The following SUPT3H variants were observed in gnomAD, a reference collection of about 807,000 sequenced individuals.
SUPT3H encodes the protein SPT3 homolog, SAGA and STAGA complex component.
A neutral mutation model predicts 44.3 loss-of-function variants in SUPT3H; 44 were observed. That is an observed-to-expected ratio of 0.99 (90% confidence interval 0.78 to 1.28). SUPT3H has a LOEUF of 1.28. Ranked by LOEUF, SUPT3H falls within the 50% of genes most tolerant of loss-of-function variation. SUPT3H has a pLI of 0.00. For synonymous variants in SUPT3H, 124 were observed against 125.6 expected (o/e 0.99, Z 0.09); for missense variants, 380 against 387.1 (o/e 0.98, Z 0.15).
At chr6:44,825,402 T>A (rs1767665732), downstream of SUPT3H, among the ~76,000 whole-genome samples, 1 of 152,220 alleles carries the variant, frequency 6.6e-6, no homozygotes, top group Non-Finnish European at 1.5e-5. Context: ...GCAGCAATTC[T>A]CTTTAATATG....
intron 2 of SUPT3H, among the ~76,000 whole-genome samples, chr6:45,198,722 C>T (rs958302082): frequency 6.3e-5 from 7 of 111,786 alleles, no homozygotes; most frequent in African/African-American, 2.5e-4. Context: ...TTTGACTAAG[C>T]TGCTATATCT....
chr6:45,343,156 C>G (rs535414969), intron 2 of SUPT3H, among the ~76,000 whole-genome samples: 1 of 152,298 alleles, frequency 6.6e-6, no homozygotes, highest in Admixed American at 6.5e-5. Flanking sequence ...AGTCTAAACT[C>G]ATACTCATAG....
intron 2 of SUPT3H, among the ~76,000 whole-genome samples, chr6:45,122,032 TA>T (rs1396984203): frequency 9.1e-6 from 1 of 109,290 alleles, no homozygotes; most frequent in Non-Finnish European, 1.9e-5. Context: ...ATCTTTCATT[TA>T]AAAACAAAAA....
intron 9 of SUPT3H, among the ~76,000 whole-genome samples, chr6:44,941,938 G>A (rs1178278091): frequency 6.6e-6 from 1 of 152,120 alleles, no homozygotes; most frequent in African/African-American, 2.4e-5. Flanking sequence ...AGCCTCTGAA[G>A]TGGAACAATA....
chr6:44,945,331 T>C (rs886076411), intron 9 of SUPT3H, among the ~76,000 whole-genome samples: 1 of 152,090 alleles, frequency 6.6e-6, no homozygotes, highest in Non-Finnish European at 1.5e-5. Context: ...GTATTTCAGA[T>C]GTAAGGAAGA....
intron 2 of SUPT3H, among the ~76,000 whole-genome samples, chr6:45,199,347 C>A (rs1762111484): frequency 6.6e-6 from 1 of 151,100 alleles, no homozygotes; most frequent in Non-Finnish European, 1.5e-5. Flanking sequence ...TAACCTGAGA[C>A]CTGCTCTGGT....
At chr6:44,965,458 T>C (rs1451430277) in intron 6 of SUPT3H, among the ~76,000 whole-genome samples, 1 of 152,202 alleles carries the variant, frequency 6.6e-6, no homozygotes, top group African/African-American at 2.4e-5. Context: ...ATTCACAGCA[T>C]AGTCAAGGGA....
At chr6:45,093,839 C>G (rs1420330091) in intron 3 of SUPT3H, among the ~76,000 whole-genome samples, 1 of 151,914 alleles carries the variant, frequency 6.6e-6, no homozygotes, top group African/African-American at 2.4e-5. Context: ...TGAGTAGATT[C>G]ACATAGAAAA....
chr6:45,103,073 C>T (rs1798814815), intron 3 of SUPT3H, among the ~76,000 whole-genome samples: 1 of 152,098 alleles, frequency 6.6e-6, no homozygotes, highest in African/African-American at 2.4e-5. Flanking sequence ...GTCATGACTA[C>T]ATGATATTCC....
intron 5 of SUPT3H, among the ~76,000 whole-genome samples, chr6:45,013,492 A>G (rs1461371379): frequency 2.0e-5 from 3 of 152,086 alleles, no homozygotes; most frequent in Non-Finnish European, 4.4e-5. Context: ...TCTCCTGGAA[A>G]GACTTCCCTG....
intron 10 of SUPT3H, among the ~76,000 whole-genome samples, chr6:44,897,500 T>C (rs1315775195): frequency 1.3e-5 from 2 of 152,194 alleles, no homozygotes; most frequent in Non-Finnish European, 2.9e-5. Flanking sequence ...CATTTGTACT[T>C]ATGGAGAAGA....
intron 2 of SUPT3H, among the ~76,000 whole-genome samples, chr6:45,259,560 T>C (rs1236874005): frequency 6.6e-6 from 1 of 152,118 alleles, no homozygotes; most frequent in Non-Finnish European, 1.5e-5. Flanking sequence ...AAAACAGCAA[T>C]GATGTGGTGA....
intron 2 of SUPT3H, among the ~76,000 whole-genome samples, chr6:45,340,786 T>TA (rs1049779249): frequency 6.6e-6 from 1 of 152,170 alleles, no homozygotes; most frequent in African/African-American, 2.4e-5. Context: ...CAAGAATGTC[T>TA]AATCCTCATT....
chr6:44,858,408 C>T (rs1774086895), intron 10 of SUPT3H, among the ~76,000 whole-genome samples: 1 of 152,216 alleles, frequency 6.6e-6, no homozygotes, highest in Non-Finnish European at 1.5e-5. Flanking sequence ...GTGCCATTAC[C>T]ACCTCCATTT....
At chr6:45,267,688 T>G (rs991327967) in intron 2 of SUPT3H, among the ~76,000 whole-genome samples, 2 of 152,186 alleles carry the variant, frequency 1.3e-5, no homozygotes, top group Non-Finnish European at 1.5e-5. Context: ...CTTCTCTGCC[T>G]CTTGACTTTA....
At chr6:45,281,757 C>G (rs112929262) in intron 2 of SUPT3H, among the ~76,000 whole-genome samples, 3,887 of 152,214 alleles carry the variant, frequency 0.026, 193 homozygotes, top group African/African-American at 0.088. Context: ...TCCCAGCACC[C>G]AGCTGGAGAT....
At chr6:44,918,160 AT>A (rs1768108218) in intron 10 of SUPT3H, among the ~76,000 whole-genome samples, 1 of 152,204 alleles carries the variant, frequency 6.6e-6, no homozygotes, top group Non-Finnish European at 1.5e-5. Flanking sequence ...ACTCCCACAA[AT>A]AGCCAACATT....
At chr6:45,275,931 A>T (rs1017124953) in intron 2 of SUPT3H, among the ~76,000 whole-genome samples, 2 of 150,480 alleles carry the variant, frequency 1.3e-5, no homozygotes, top group Non-Finnish European at 2.9e-5. Context: ...TTGTCTACTA[A>T]CTATCTAGTT....
At chr6:45,365,890 T>C (rs1795056119) in intron 1 of SUPT3H, among the ~76,000 whole-genome samples, 1 of 147,896 alleles carries the variant, frequency 6.8e-6, no homozygotes, top group South Asian at 2.1e-4. Flanking sequence ...GCATTATATT[T>C]TATAATCCTA....
Sources: gnomAD v4.1 joint callset for allele counts (sites outside exome capture counted in the v4.1 genomes callset) on GRCh38, gnomAD v4.1.1 for gene constraint, MANE v1.5 for transcripts, NCBI Gene and HGNC (gene_info 2026-07-23, HGNC 2026-07-21) for gene names.